GSE1: variants seen among roughly 807,000 people sequenced by gnomAD.
GSE1 encodes Gse1 coiled-coil protein.
GSE1 carries 32 observed loss-of-function variants against 112.6 expected under a neutral mutation model. The ratio of observed to expected loss-of-function variants is 0.28; its 90% CI spans 0.21 to 0.38. The LOEUF (loss-of-function observed/expected upper bound fraction) is 0.38, where lower values mean the gene tolerates loss of function less well. Among genes scored for constraint, GSE1 ranks in the 10% least tolerant of loss-of-function variants. GSE1 has a pLI of 1.00. For missense variants in GSE1, 2,348 were observed against 1,699.2 expected (o/e 1.38, Z -6.71); for synonymous variants, 1,115 against 735.6 (o/e 1.52, Z -8.35).
intron 1 of GSE1, among the ~76,000 whole-genome samples, chr16:85,572,465 ACACACAT>A (rs2046045411): frequency 2.9e-5 from 1 of 34,844 alleles, no homozygotes; most frequent in South Asian, 9.9e-4. Context: ...CACACACACA[ACACACAT>A]CACACACACC....
In GSE1 at chr16:85,329,586, T is replaced by A. The variant is rs191404644; in HGVS notation, c.2284-27877T>A. On this transcript the variant is annotated intron_variant, in intron 1 of 2. Transcript: ENST00000637419. Reference sequence around the variant, plus strand: ...TCAGAGGCGCTCAGCAACAAGCCCCTGGGGGGCTGCGGGGTGCGGGGAGAG... The same window carrying A: ...TCAGAGGCGCTCAGCAACAAGCCCCAGGGGGGCTGCGGGGTGCGGGGAGAG... 3.8e-3 allele frequency among the ~76,000 whole-genome samples: 583 copies of A among 151,852 alleles called. 6 individuals carry two copies. The highest frequency in any genetic ancestry group is 0.013 in the African/African-American group (550 of 41,446).
intron 1 of GSE1, among the ~76,000 whole-genome samples, chr16:85,273,611 T>C (rs1221879506): frequency 6.6e-6 from 1 of 152,098 alleles, no homozygotes; most frequent in Non-Finnish European, 1.5e-5. Context: ...GGCCAGTCCA[T>C]AGGGTCGGAA....
At chr16:85,634,188 C>G (rs1002476352) in intron 2 of GSE1, 56 bp downstream of exon 2, 1 of 1,218,634 alleles carries the variant, frequency 8.2e-7, no homozygotes, top group South Asian at 1.7e-5. Flanking sequence ...GAGGCCGGGA[C>G]TCAGCCTCCC....
At chr16:85,188,924 G>A (rs2074765379) in intron 1 of GSE1, among the ~76,000 whole-genome samples, 1 of 152,078 alleles carries the variant, frequency 6.6e-6, no homozygotes, top group African/African-American at 2.4e-5. Context: ...GCAAAATCTG[G>A]TGCATATGTG....
In GSE1 at chr16:85,361,138, C is replaced by CA. The variant is rs1555569966; in HGVS notation, c.2464+3495_2464+3496insA. On this transcript the variant is annotated intron_variant, in intron 2 of 2. Coordinates refer to the GSE1 transcript ENST00000637419. ...AGACAGAGACAGGCACAGACCCCCC[C>CA]CACACAAACACACAGACACACACAG... Among the ~76,000 whole-genome samples, 121 of 116,810 alleles carry CA rather than the reference C, an allele frequency of 1.0e-3. 1 individual carries two copies. Among genetic ancestry groups the CA allele is most frequent in the Middle Eastern group, 5.0e-3 (1 of 202 alleles). The allele number at this position is 116,810 out of a possible 152,430, so 76.6% of individuals were successfully genotyped here.
intron 1 of GSE1, among the ~76,000 whole-genome samples, chr16:85,246,157 G>A (rs1386510210): frequency 6.7e-6 from 1 of 150,110 alleles, no homozygotes; most frequent in Non-Finnish European, 1.5e-5. Flanking sequence ...GACATGGGGT[G>A]CCGTGGAGGC....
At chr16:85,197,703 C>T (rs2074954194) in intron 1 of GSE1, among the ~76,000 whole-genome samples, 1 of 152,182 alleles carries the variant, frequency 6.6e-6, no homozygotes, top group Admixed American at 6.5e-5. Context: ...CCTGGCGTCC[C>T]CACTCTGTGT....
chr16:85,357,446 A>G lies in GSE1; in HGVS notation c.2284-17A>G, dbSNP rs1484286537. 4 of 1,198,376 alleles carry G rather than the reference A, an allele frequency of 3.3e-6. No individual in the cohort carries two copies. In the East Asian group the frequency reaches 2.4e-4, roughly 72 times the overall value. The allele number at this position is 1,198,376 out of a possible 1,614,324, so 74.2% of individuals were successfully genotyped here. A position where few individuals can be genotyped will look rare whatever the true frequency, so the allele number is the denominator to read the frequency against. Reference sequence around the variant, plus strand: ...GGCATGGCCCAGGCTCACTGTGTCCACCTCTTTTCCTTTCAGCCTGTTTGT... The same window carrying G: ...GGCATGGCCCAGGCTCACTGTGTCCGCCTCTTTTCCTTTCAGCCTGTTTGT... On this transcript the variant is annotated splice_polypyrimidine_tract_variant and intron_variant, in intron 1 of 2. Coordinates refer to the GSE1 transcript ENST00000637419.
intron 9 of GSE1, among the ~76,000 whole-genome samples, 167 bp downstream of exon 9, chr16:85,661,932 C>T (rs1011556688): frequency 4.6e-5 from 7 of 152,288 alleles, no homozygotes; most frequent in African/African-American, 1.7e-4. Flanking sequence ...AGCATGACAC[C>T]CTCGTAGGGG....
chr16:85,554,527 A>T (rs2045099704), upstream of GSE1, among the ~76,000 whole-genome samples: 1 of 152,126 alleles, frequency 6.6e-6, no homozygotes, highest in African/African-American at 2.4e-5. Flanking sequence ...AGATGCTATC[A>T]AGCATTTGAT....
intron 1 of GSE1, among the ~76,000 whole-genome samples, chr16:85,199,639 G>A (rs555898054): frequency 6.6e-6 from 1 of 152,166 alleles, no homozygotes; most frequent in African/African-American, 2.4e-5. Flanking sequence ...AGTGCTGCGG[G>A]CCGGAACACC....
chr16:85,229,145 C>T (rs553397572), intron 1 of GSE1, among the ~76,000 whole-genome samples: 1 of 152,336 alleles, frequency 6.6e-6, no homozygotes, highest in East Asian at 1.9e-4. Flanking sequence ...TGAGGTCTCC[C>T]TACCTAAGAG....
At chr16:85,220,500 C>T (rs74659006) in intron 1 of GSE1, among the ~76,000 whole-genome samples, 2 of 152,190 alleles carry the variant, frequency 1.3e-5, no homozygotes, top group Admixed American at 6.5e-5. Context: ...GAGCCGGGCC[C>T]GCGGCCAGGA....
In GSE1 at chr16:85,654,683, TCTGGGTGCCGA is replaced by T. The variant is rs2151921277; in HGVS notation, c.600-107_600-97del. 1.2e-5 allele frequency: 9 copies of T among 775,412 alleles called. 1 individual carries two copies. In the South Asian group the frequency reaches 1.4e-4, roughly 12 times the overall value. 48.0% of individuals were successfully genotyped at this position (775,412 alleles called of 1,614,324 possible). The stretch of plus-strand genomic sequence containing the variant: ...CCGTCCTCGTTCGGGGTGCCAGGAG[TCTGGGTGCCGA>T]CTGAGCGCCAGGGGTGATGCAGGGA... On this transcript the variant is annotated intron_variant, in intron 4 of 15. Coordinates refer to ENST00000253458, the MANE Select transcript of GSE1 (RefSeq NM_014615.5).
chr16:85,233,446 G>A (rs1328365436), intron 1 of GSE1, among the ~76,000 whole-genome samples: 1 of 152,200 alleles, frequency 6.6e-6, no homozygotes, highest in African/African-American at 2.4e-5. Flanking sequence ...CAGTTCCAGG[G>A]CCCCGTTCTC....
intron 2 of GSE1, among the ~76,000 whole-genome samples, chr16:85,403,145 G>C (rs185970156): frequency 2.6e-5 from 4 of 152,094 alleles, no homozygotes; most frequent in African/African-American, 7.2e-5. Context: ...GTTCCTTGCC[G>C]GATGCTGGCT....
chr16:85,415,803 C>T (rs1033784317), intron 2 of GSE1, among the ~76,000 whole-genome samples: 2 of 152,196 alleles, frequency 1.3e-5, no homozygotes, highest in African/African-American at 2.4e-5. Flanking sequence ...CAGGCAGGCC[C>T]GCTAGAAGGA....
chr16:85,565,274 C>T (rs2045692581), intron 1 of GSE1, among the ~76,000 whole-genome samples: 1 of 152,054 alleles, frequency 6.6e-6, no homozygotes, highest in Admixed American at 6.5e-5. Context: ...TGCCTGTAAT[C>T]CCAGCTACTC....
chr16:85,513,488 C>G (rs909036017), intron 2 of GSE1, among the ~76,000 whole-genome samples: 10 of 152,136 alleles, frequency 6.6e-5, no homozygotes, highest in Non-Finnish European at 1.0e-4. Context: ...AGGCTACCCC[C>G]CTCACCGCTC....
Sources: allele counts gnomAD v4.1 joint callset (sites outside exome capture counted in the v4.1 genomes callset), GRCh38; gene constraint gnomAD v4.1.1; transcripts MANE v1.5; gene names NCBI Gene and HGNC (gene_info 2026-07-23, HGNC 2026-07-21).